Variants in PRR16 observed in about 807,000 individuals in gnomAD.
PRR16 encodes the protein protein Largen.
In PRR16, 6 loss-of-function variants were observed where a neutral mutation model predicts 18.2. The ratio of observed to expected loss-of-function variants is 0.33; its 90% CI spans 0.18 to 0.65. PRR16 has a LOEUF of 0.65. PRR16 is among the 30% of genes least tolerant of loss of function. The pLI, the probability that PRR16 is intolerant of heterozygous loss-of-function variation, is 0.74. For missense variants in PRR16, 412 were observed against 376.6 expected, an observed-to-expected ratio of 1.09 and a Z score of -0.78; for synonymous variants, 151 against 147.8, an observed-to-expected ratio of 1.02 and a Z score of -0.16.
chr5:120,774,792 G>A, the PRR16 span, among the ~76,000 whole-genome samples: 4 of 151,988 alleles, frequency 2.6e-5, no homozygotes, highest in African/African-American at 9.7e-5. Flanking sequence ...GCAATACAAG[G>A]GAGTCCATGA....
the PRR16 span, among the ~76,000 whole-genome samples, chr5:120,696,265 C>T: frequency 7.9e-5 from 12 of 151,910 alleles, no homozygotes; most frequent in African/African-American, 2.9e-4. Context: ...AAAAAACCCA[C>T]AGTGGTATAA....
Position 120,686,611 on chromosome 5 carries a change from A to T in PRR16, c.817A>T (p.Asn273Tyr), listed in dbSNP as rs772409146. The stretch of plus-strand genomic sequence containing the variant: ...TGGGGGAATGGGAATAAGCCACAGT[A>T]ACAGCTTCCCCCCTATCAGACCTGC... The part of the protein sequence containing the change: ...ENGGMGISHS[N>Y]SFPPIRPATV... The change falls in exon 2 of 2, where the codon AAC becomes TAC. Residue 273 changes from asparagine to tyrosine, a missense_variant. Coordinates refer to ENST00000407149, the MANE Select transcript of PRR16 (RefSeq NM_001300783.2). 5 of 1,612,908 alleles carry T rather than the reference A, an allele frequency of 3.1e-6. No homozygotes were observed. The highest frequency in any genetic ancestry group is 4.2e-6 in the Non-Finnish European group (5 of 1,179,338).
the PRR16 span, among the ~76,000 whole-genome samples, chr5:120,718,528 A>G: frequency 6.6e-6 from 1 of 152,056 alleles, no homozygotes; most frequent in Non-Finnish European, 1.5e-5. Context: ...GTGTTTTTTA[A>G]GGCTTATTAA....
intron 1 of PRR16, among the ~76,000 whole-genome samples, chr5:120,624,885 A>G (rs1297995953): frequency 7.9e-5 from 12 of 152,084 alleles, no homozygotes; most frequent in Admixed American, 7.9e-4. Flanking sequence ...GTGATAATGA[A>G]TAAGTCTCAT....
intron 1 of PRR16, among the ~76,000 whole-genome samples, chr5:120,574,068 C>A (rs1035594716): frequency 1.3e-5 from 2 of 151,976 alleles, no homozygotes; most frequent in Middle Eastern, 3.4e-3. Context: ...GAAGCTCTAA[C>A]TGTAATGGAA....
chr5:120,469,417 G>A (rs1016015462), intron 1 of PRR16, among the ~76,000 whole-genome samples: 4 of 152,188 alleles, frequency 2.6e-5, no homozygotes, highest in Non-Finnish European at 5.9e-5. Flanking sequence ...CCATCTCTTA[G>A]GTTGAAGGAG....
the PRR16 span, among the ~76,000 whole-genome samples, chr5:120,745,600 G>T: frequency 6.6e-6 from 1 of 151,992 alleles, no homozygotes; most frequent in Non-Finnish European, 1.5e-5. Flanking sequence ...ATCAGATTTT[G>T]ATTTTATGGC....
At chr5:120,653,637 A>G (rs1020429226) in intron 1 of PRR16, among the ~76,000 whole-genome samples, 9 of 152,036 alleles carry the variant, frequency 5.9e-5, no homozygotes, top group Non-Finnish European at 1.3e-4. Flanking sequence ...GCCTAGGTTT[A>G]TGGTGAGTGT....
chr5:120,651,121 G>A lies in PRR16; in HGVS notation c.160-34833G>A, dbSNP rs542254705. Among the ~76,000 whole-genome samples, 618 of 152,236 alleles carry A rather than the reference G, an allele frequency of 4.1e-3. 23 individuals are homozygous for A. Among genetic ancestry groups the A allele is most frequent in the Admixed American group, 0.036 (547 of 15,286 alleles). On this transcript the variant is annotated intron_variant, in intron 1 of 1. Transcript: ENST00000407149. ...TCATGTGTCTTTTGGCTGCATAAAT[G>A]TCTTCTTTTGAGAAGTGTCTGTTCA...
chr5:120,600,023 A>G (rs116144093), intron 1 of PRR16, among the ~76,000 whole-genome samples: 197 of 152,010 alleles, frequency 1.3e-3, no homozygotes, highest in Middle Eastern at 3.4e-3. Context: ...TAAAAATTCC[A>G]GAGTTTTATG....
chr5:120,770,300 C>T, the PRR16 span, among the ~76,000 whole-genome samples: 17 of 151,910 alleles, frequency 1.1e-4, no homozygotes, highest in African/African-American at 3.1e-4. Flanking sequence ...CATTCATACA[C>T]GATCAGTTGA....
At chr5:120,496,098 A>G (rs1024141644) in intron 1 of PRR16, among the ~76,000 whole-genome samples, 1 of 152,054 alleles carries the variant, frequency 6.6e-6, no homozygotes, top group African/African-American at 2.4e-5. Flanking sequence ...GCTTTTTAAT[A>G]TGGTTGATTA....
chr5:120,693,423 C>G, the PRR16 span, among the ~76,000 whole-genome samples: 1 of 152,170 alleles, frequency 6.6e-6, no homozygotes, highest in Non-Finnish European at 1.5e-5. Flanking sequence ...ATTTCTAAGG[C>G]AATGGGACTA....
At chr5:120,712,712 G>A in the PRR16 span, among the ~76,000 whole-genome samples, 2 of 152,010 alleles carry the variant, frequency 1.3e-5, no homozygotes, top group South Asian at 2.1e-4. Flanking sequence ...ATATGAAAAG[G>A]TGCTCAACAT....
intron 1 of PRR16, among the ~76,000 whole-genome samples, chr5:120,583,846 T>C (rs887729435): frequency 2.0e-5 from 3 of 152,178 alleles, no homozygotes; most frequent in African/African-American, 7.2e-5. Flanking sequence ...ATTTAGGCAA[T>C]TGACCCAAGC....
chr5:120,524,407 G>T (rs1434816734), intron 1 of PRR16, among the ~76,000 whole-genome samples: 1 of 152,018 alleles, frequency 6.6e-6, no homozygotes, highest in Non-Finnish European at 1.5e-5. Flanking sequence ...CAGTATGATT[G>T]AACGGATTTT....
rs569050299 is a variant in PRR16 at position 120,641,055 on chromosome 5, G to A, written c.160-44899G>A. On this transcript the variant is annotated intron_variant, in intron 1 of 1. Transcript: ENST00000407149. The stretch of plus-strand genomic sequence containing the variant: ...GAAGAGCAGAGTATGGGTGGGGAGA[G>A]GAGAGGAGCCAAAGGGTAATAACAA... 4.6e-5 allele frequency among the ~76,000 whole-genome samples: 7 copies of A among 152,242 alleles called. No individual in the cohort carries two copies. In the South Asian group the frequency reaches 1.2e-3, roughly 27 times the overall value.
chr5:120,585,961 G>A (rs531211114), intron 1 of PRR16, among the ~76,000 whole-genome samples: 2 of 151,956 alleles, frequency 1.3e-5, no homozygotes, highest in Non-Finnish European at 2.9e-5. Flanking sequence ...GGATCACAAG[G>A]TCAAGTGATC....
the PRR16 span, among the ~76,000 whole-genome samples, chr5:120,774,287 T>G: frequency 6.6e-6 from 1 of 152,178 alleles, no homozygotes; most frequent in African/African-American, 2.4e-5. Context: ...GAGAAAAGAT[T>G]GTGTTGTTCC....
Sources: gnomAD v4.1 joint callset for allele counts (sites outside exome capture counted in the v4.1 genomes callset) on GRCh38, gnomAD v4.1.1 for gene constraint, MANE v1.5 for transcripts, NCBI Gene and HGNC (gene_info 2026-07-23, HGNC 2026-07-21) for gene names.